SYNE2: variants seen among roughly 807,000 people sequenced by gnomAD.
SYNE2 encodes the protein nesprin-2.
SYNE2 carries 431 observed loss-of-function variants against 856.3 expected under a neutral mutation model. The ratio of observed to expected loss-of-function variants is 0.50; its 90% confidence interval spans 0.47 to 0.55. The LOEUF is 0.55. Among genes scored for constraint, SYNE2 ranks in the 20% least tolerant of loss-of-function variants. SYNE2 has a pLI of 0.00. For missense variants in SYNE2, 8,129 were observed against 8,023.2 expected, an observed-to-expected ratio of 1.01 and a Z score of -0.50; for synonymous variants, 2,923 against 2,872.3, an observed-to-expected ratio of 1.02 and a Z score of -0.56.
At chr14:63,972,458 A>G (rs1258667565) in intron 11 of SYNE2, among the ~76,000 whole-genome samples, 2 of 152,306 alleles carry the variant, frequency 1.3e-5, no homozygotes, top group East Asian at 3.9e-4. Context: ...AAAATGAGAC[A>G]TTGCTAATTT....
chr14:63,949,818 T>G lies in SYNE2; in HGVS notation c.409-7T>G, dbSNP rs1210685026. On this transcript the variant is annotated splice_region_variant and splice_polypyrimidine_tract_variant and intron_variant, in intron 6 of 115. Coordinates refer to ENST00000555002, the MANE Select transcript of SYNE2 (RefSeq NM_182914.3). Reference sequence around the variant, plus strand: ...TATAAACGTTAAGTCTACTTTGCCTTCCTTAGATTGAGAAGCTTGCCCAGA... The same window carrying G: ...TATAAACGTTAAGTCTACTTTGCCTGCCTTAGATTGAGAAGCTTGCCCAGA... The G allele has an allele frequency of 6.2e-7, 1 of 1,614,160 alleles. No individual in the cohort carries two copies. The highest frequency in any genetic ancestry group is 1.1e-5 in the South Asian group (1 of 91,092).
Position 64,010,127 on chromosome 14 carries a change from G to C in SYNE2, c.4728+11G>C, listed in dbSNP as rs759547747. The C allele has an allele frequency of 1.1e-5, 17 of 1,607,166 alleles. No homozygotes were observed. In the East Asian group the frequency reaches 3.6e-4, roughly 34 times the overall value. ...AAAAGGATAGCAGAGGTGAGTCCAG[G>C]TTCCATTAGAAAAAACTGCCCAGTG... On this transcript the variant is annotated intron_variant, in intron 32 of 115. Coordinates refer to ENST00000555002, the MANE Select transcript of SYNE2 (RefSeq NM_182914.3).
intron 1 of SYNE2, among the ~76,000 whole-genome samples, chr14:63,842,837 G>A (rs867474380): frequency 6.6e-5 from 10 of 152,238 alleles, no homozygotes; most frequent in Non-Finnish European, 1.3e-4. Context: ...GATCCTTTTT[G>A]TTTGTTCAGG....
intron 67 of SYNE2, among the ~76,000 whole-genome samples, chr14:64,120,497 C>CT (rs1329619803): frequency 6.6e-6 from 1 of 152,114 alleles, no homozygotes; most frequent in Non-Finnish European, 1.5e-5. Context: ...GGTGTGGTGG[C>CT]TCACGCCTGT....
chr14:63,844,647 AC>A (rs1315391450), intron 1 of SYNE2, among the ~76,000 whole-genome samples: 1 of 152,128 alleles, frequency 6.6e-6, no homozygotes, highest in African/African-American at 2.4e-5. Flanking sequence ...TAGTTTATAG[AC>A]TTTTTTGTAC....
chr14:63,855,630 T>G (rs1261427708), intron 1 of SYNE2, among the ~76,000 whole-genome samples: 1 of 152,210 alleles, frequency 6.6e-6, no homozygotes, highest in Non-Finnish European at 1.5e-5. Context: ...GAGCCTTCAC[T>G]AACCTCCAAA....
chr14:64,192,957 T>G (rs1185521700), intron 99 of SYNE2, among the ~76,000 whole-genome samples: 1 of 152,236 alleles, frequency 6.6e-6, no homozygotes, highest in African/African-American at 2.4e-5. Context: ...GAGTTTATTG[T>G]TCAGGTGAAT....
At chr14:64,042,618 T>C (rs2153564342) in intron 45 of SYNE2, among the ~76,000 whole-genome samples, 1 of 152,256 alleles carries the variant, frequency 6.6e-6, no homozygotes, top group East Asian at 1.9e-4. Flanking sequence ...ATCTGATGGT[T>C]TTAAAAAATG....
At chr14:64,016,355 A>G in intron 32 of SYNE2, 118 bp from the exon 33 acceptor site, 1 of 662,814 alleles carries the variant, frequency 1.5e-6, no homozygotes, top group Non-Finnish European at 2.5e-6. Flanking sequence ...ACAATGTAAG[A>G]AGGTATTATG....
chr14:63,880,734 G>A (rs1206094580), intron 1 of SYNE2, among the ~76,000 whole-genome samples: 4 of 147,574 alleles, frequency 2.7e-5, no homozygotes, highest in African/African-American at 5.0e-5. Flanking sequence ...GTACAGTGGT[G>A]TAATCATGGC....
In SYNE2 at chr14:64,211,405, G is replaced by C. The variant is rs967072534; in HGVS notation, c.18724-556G>C. Reference sequence around the variant, plus strand: ...GTAACCTGAGAGGCATCCTTAATTGGAGATGATACAACTGCTCTGAGTCTT... The same window carrying C: ...GTAACCTGAGAGGCATCCTTAATTGCAGATGATACAACTGCTCTGAGTCTT... On this transcript the variant is annotated intron_variant, in intron 103 of 115. Transcript: ENST00000555002. Among the ~76,000 whole-genome samples, 3 of 152,200 alleles carry C rather than the reference G, an allele frequency of 2.0e-5. No homozygotes were observed. In the South Asian group the frequency reaches 6.2e-4, roughly 32 times the overall value.
At chr14:63,959,574 G>A (rs1418936425) in intron 8 of SYNE2, among the ~76,000 whole-genome samples, 1 of 152,052 alleles carries the variant, frequency 6.6e-6, no homozygotes, top group African/African-American at 2.4e-5. Context: ...TAGGATTACA[G>A]GCTTAAGCCA....
intron 1 of SYNE2, among the ~76,000 whole-genome samples, chr14:63,857,770 T>G (rs1892237933): frequency 6.6e-6 from 1 of 152,212 alleles, no homozygotes; most frequent in Non-Finnish European, 1.5e-5. Flanking sequence ...TTTGTTGAAG[T>G]GTCTACTCAA....
rs1595921831 is a variant in SYNE2, at chr14:64,163,691, T to A, written c.16479+110T>A. 5 of 1,271,670 alleles carry A rather than the reference T, an allele frequency of 3.9e-6. No homozygotes were observed. In the East Asian group the frequency reaches 1.2e-4, roughly 31 times the overall value. The allele number at this position is 1,271,670 out of a possible 1,614,324, so 78.8% of individuals were successfully genotyped here. ...CTTTACGGGCTGCTCCTTAGCAAAATTACAGACTGAAGCTGCTCCCAAATG... is the reference window on the plus strand; with the variant it reads ...CTTTACGGGCTGCTCCTTAGCAAAAATACAGACTGAAGCTGCTCCCAAATG... On this transcript the variant is annotated intron_variant, in intron 89 of 115. Transcript: ENST00000555002.
At chr14:63,955,066 A>G (rs1345434693) in intron 8 of SYNE2, 151 bp downstream of exon 8, 3 of 692,684 alleles carry the variant, frequency 4.3e-6, no homozygotes, top group Non-Finnish European at 7.4e-6. Context: ...GATGCAATCA[A>G]ACAATTCCTA....
In SYNE2 at chr14:64,051,990, A is replaced by T. The variant is rs746691289; in HGVS notation, c.8077A>T (p.Ile2693Phe). The T allele has an allele frequency of 6.2e-6, 10 of 1,613,714 alleles. No homozygotes were observed. The Admixed American group carries it at 1.5e-4, about 24-fold the overall frequency. The change falls in exon 48 of 116, where the codon ATT (isoleucine) becomes TTT (phenylalanine). Residue 2693 changes from isoleucine (I) to phenylalanine (F), a missense_variant. Coordinates refer to ENST00000555002, the MANE Select transcript of SYNE2 (RefSeq NM_182914.3). ...KGQAELQMKR[I>F]WGEKEKKNLE... ...GCAAGCTGAACTTCAGATGAAGAGG[A>T]TTTGGGGAGAAAAAGAAAAGAAGAA...
intron 2 of SYNE2, among the ~76,000 whole-genome samples, chr14:63,923,899 A>G (rs113485744): frequency 3.3e-5 from 5 of 152,210 alleles, no homozygotes; most frequent in Admixed American, 1.3e-4. Context: ...CCTGGGCTCA[A>G]GCAATCCTTT....
At chr14:64,111,412 C>T (rs1484579817) in intron 65 of SYNE2, among the ~76,000 whole-genome samples, 1 of 152,076 alleles carries the variant, frequency 6.6e-6, no homozygotes, top group Non-Finnish European at 1.5e-5. Context: ...CTAGATATAG[C>T]AATATCTGAA....
At chr14:64,091,375 A>C (rs535292955) in intron 60 of SYNE2, among the ~76,000 whole-genome samples, 2 of 152,352 alleles carry the variant, frequency 1.3e-5, no homozygotes, top group African/African-American at 4.8e-5. Flanking sequence ...AATCATCACC[A>C]TAGTAATCTC....
Sources: gnomAD v4.1 joint callset for allele counts (sites outside exome capture counted in the v4.1 genomes callset) on GRCh38, gnomAD v4.1.1 for gene constraint, MANE v1.5 for transcripts, NCBI Gene and HGNC (gene_info 2026-07-23, HGNC 2026-07-21) for gene names.